Variants in INPP5A observed in about 807,000 individuals in gnomAD.
INPP5A encodes inositol polyphosphate-5-phosphatase A, also known as 43 kDa inositol polyphosphate 5-phophatase.
INPP5A carries 14 observed loss-of-function variants against 65.2 expected under a neutral mutation model. The ratio of observed to expected loss-of-function variants is 0.21; its 90% confidence interval spans 0.14 to 0.34. The LOEUF (loss-of-function observed/expected upper bound fraction) is 0.34, where lower values mean the gene tolerates loss of function less well. INPP5A is among the 10% of genes least tolerant of loss of function. The pLI is 1.00. For missense variants in INPP5A, 431 were observed against 545.6 expected, an observed-to-expected ratio of 0.79 and a Z score of 2.09; for synonymous variants, 207 against 208.3, an observed-to-expected ratio of 0.99 and a Z score of 0.05.
intron 3 of INPP5A, among the ~76,000 whole-genome samples, chr10:132,647,079 C>T (rs2072507068): frequency 6.6e-6 from 1 of 152,150 alleles, no homozygotes; most frequent in Admixed American, 6.5e-5. Context: ...GCCACAACTT[C>T]CCAAAATAAT....
intron 12 of INPP5A, among the ~76,000 whole-genome samples, chr10:132,777,436 C>G (rs1336446499): frequency 1.3e-5 from 2 of 152,240 alleles, no homozygotes; most frequent in African/African-American, 4.8e-5. Context: ...AAAGGAAGGA[C>G]TGATGTGAAG....
intron 13 of INPP5A, among the ~76,000 whole-genome samples, chr10:132,780,311 G>A (rs1454214407): frequency 6.6e-6 from 1 of 152,266 alleles, no homozygotes; most frequent in Non-Finnish European, 1.5e-5. Context: ...GAATTACTGT[G>A]CACAGATTGC....
intron 8 of INPP5A, among the ~76,000 whole-genome samples, chr10:132,719,431 G>C (rs1180075515): frequency 6.7e-6 from 1 of 148,446 alleles, no homozygotes. Context: ...GCTGTCTTCA[G>C]GGTTCTGTGG....
In INPP5A at chr10:132,753,061, G is replaced by A. The variant is rs529919966; in HGVS notation, c.903+3216G>A. Among the ~76,000 whole-genome samples the A allele has an allele frequency of 2.0e-5, 3 of 152,248 alleles. No homozygotes were observed. The highest frequency in any genetic ancestry group is 4.2e-4 in the South Asian group (2 of 4,818). On this transcript the variant is annotated intron_variant, in intron 11 of 15. Coordinates refer to ENST00000368594, the MANE Select transcript of INPP5A (RefSeq NM_005539.5). The surrounding 1 kb of genome is among the most constrained non-coding windows in gnomAD (Gnocchi z 5.3). The stretch of plus-strand genomic sequence containing the variant: ...GAGGCTGTTTCTCATGAGAAGAGCC[G>A]ATGCCTCGGCGTTCCTGTCCTGCTA...
chr10:132,579,682 G>A (rs1361582888), intron 1 of INPP5A, among the ~76,000 whole-genome samples: 2 of 152,162 alleles, frequency 1.3e-5, no homozygotes, highest in East Asian at 3.8e-4. Context: ...CTGTAGGTGG[G>A]GCCTCAGTGA....
chr10:132,717,344 C>T (rs539332098), intron 8 of INPP5A, among the ~76,000 whole-genome samples: 7 of 148,434 alleles, frequency 4.7e-5, no homozygotes, highest in Admixed American at 1.3e-4. Flanking sequence ...CCTTTGGGTG[C>T]GGCACTGGGG....
At chr10:132,668,090 C>G (rs962196888) in intron 4 of INPP5A, among the ~76,000 whole-genome samples, 1 of 152,186 alleles carries the variant, frequency 6.6e-6, no homozygotes, top group African/African-American at 2.4e-5. Flanking sequence ...CAACATTAAA[C>G]AAAGTTATTC....
At chr10:132,687,568 G>T (rs995729583) in intron 4 of INPP5A, among the ~76,000 whole-genome samples, 1 of 152,228 alleles carries the variant, frequency 6.6e-6, no homozygotes. Flanking sequence ...AGTGCACTGC[G>T]TCCCCCTCGG....
Position 132,665,664 on chromosome 10 carries a change from T to C in INPP5A, c.306+15159T>C, listed in dbSNP as rs558118347. 2.1e-5 allele frequency among the ~76,000 whole-genome samples: 3 copies of C among 143,108 alleles called. No individual in the cohort carries two copies. In the South Asian group the frequency reaches 7.1e-4, roughly 34 times the overall value. The allele number at this position is 143,108 out of a possible 152,430, so 93.9% of individuals were successfully genotyped here. On this transcript the variant is annotated intron_variant, in intron 4 of 15. Coordinates refer to ENST00000368594, the MANE Select transcript of INPP5A (RefSeq NM_005539.5). ...GAGTAATCCCAGCACTCTGGGAGGCTGAGGCAGGTGAATTGCTTGAGTTTA... is the reference window on the plus strand; with the variant it reads ...GAGTAATCCCAGCACTCTGGGAGGCCGAGGCAGGTGAATTGCTTGAGTTTA...
intron 9 of INPP5A, among the ~76,000 whole-genome samples, chr10:132,734,244 C>T (rs1348881427): frequency 6.6e-6 from 1 of 152,112 alleles, no homozygotes; most frequent in Non-Finnish European, 1.5e-5. Flanking sequence ...GGACCACACC[C>T]GGCAGTGGCC....
intron 4 of INPP5A, among the ~76,000 whole-genome samples, chr10:132,689,674 G>A (rs956691750): frequency 2.0e-4 from 31 of 152,234 alleles, no homozygotes; most frequent in African/African-American, 7.0e-4. Flanking sequence ...GCTGCATGTA[G>A]ACACAGGTTC....
At position 132,727,099 on chromosome 10, in the gene INPP5A, C is replaced by T. The variant is rs55746003; in HGVS notation, c.732+194C>T. 6 of 435,828 alleles carry T rather than the reference C, an allele frequency of 1.4e-5. No homozygotes were observed. Among genetic ancestry groups the T allele is most frequent in the Admixed American group, 4.0e-5 (1 of 24,956 alleles). 27.0% of individuals were successfully genotyped at this position (435,828 alleles called of 1,614,324 possible). A position where few individuals can be genotyped will look rare whatever the true frequency, so the allele number is the denominator to read the frequency against. On this transcript the variant is annotated intron_variant, in intron 9 of 15. Coordinates refer to ENST00000368594, the MANE Select transcript of INPP5A (RefSeq NM_005539.5). This position sits in a 1 kb window ranked among gnomAD's most constrained non-coding sequence, Gnocchi z 6.5. ...GGGATCCGTGTTGGAATCCGGGGTG[C>T]GCGGGCCCTCAAGGTTGCCCCGGAT... is the stretch of plus-strand genomic sequence containing the variant.
chr10:132,774,931 TAGGGAGAGACGGGCAGGGAGGAGGGGC>T (rs1847024223), intron 12 of INPP5A, among the ~76,000 whole-genome samples: 5 of 698 alleles, frequency 7.2e-3, no homozygotes, highest in Non-Finnish European at 9.0e-3. Context: ...GAGAGAGGGG[TAGGGAGAGACGGGCAGGGAGGAGGGGC>T]AGGGAGGAGA....
chr10:132,668,284 G>T (rs1444522148), intron 4 of INPP5A, among the ~76,000 whole-genome samples: 4 of 152,168 alleles, frequency 2.6e-5, no homozygotes, highest in Admixed American at 6.5e-5. Flanking sequence ...TCCTGCCATG[G>T]GCTGATGGCC....
At position 132,745,262 on chromosome 10, in the gene INPP5A, C is replaced by T. The variant is rs186014880; in HGVS notation, c.733-4255C>T. The stretch of plus-strand genomic sequence containing the variant: ...CACGATGCTCCTGGGGACACCTCCC[C>T]TTTGGGAAGGTGAGGGCTGGGGCTG... On this transcript the variant is annotated intron_variant, in intron 9 of 15. Coordinates refer to ENST00000368594, the MANE Select transcript of INPP5A (RefSeq NM_005539.5). 3.9e-5 allele frequency among the ~76,000 whole-genome samples: 6 copies of T among 152,298 alleles called. No homozygotes were observed. The South Asian group carries it at 8.3e-4, about 21-fold the overall frequency.
chr10:132,760,578 G>A (rs1051457562), intron 11 of INPP5A, among the ~76,000 whole-genome samples: 17 of 152,236 alleles, frequency 1.1e-4, no homozygotes, highest in African/African-American at 3.4e-4. Context: ...ACGTGGCATC[G>A]GAGGGCCCCA....
In INPP5A at chr10:132,627,060, A is replaced by G. The variant is rs1263310319; in HGVS notation, c.118-18808A>G. On this transcript the variant is annotated intron_variant, in intron 2 of 15. Coordinates refer to ENST00000368594, the MANE Select transcript of INPP5A (RefSeq NM_005539.5). The surrounding 1 kb of genome is among the most constrained non-coding windows in gnomAD (Gnocchi z 6.6). The stretch of plus-strand genomic sequence containing the variant: ...TGAGGTTATGCGGTGGGCCCCCCGG[A>G]TGGGATGGGTGCCCTTACAAGAAGG... 2.0e-5 allele frequency among the ~76,000 whole-genome samples: 3 copies of G among 151,736 alleles called. No individual in the cohort carries two copies. The highest frequency in any genetic ancestry group is 7.3e-5 in the African/African-American group (3 of 41,280).
In INPP5A at chr10:132,782,549, G is replaced by A. The variant is rs553881051; in HGVS notation, c.*520G>A. 2.6e-4 allele frequency: 40 copies of A among 153,704 alleles called. No homozygotes were observed. Among genetic ancestry groups the A allele is most frequent in the Non-Finnish European group, 4.8e-4 (33 of 69,140 alleles). 9.5% of individuals were successfully genotyped at this position (153,704 alleles called of 1,614,324 possible). A position where few individuals can be genotyped will look rare whatever the true frequency, so the allele number is the denominator to read the frequency against. On this transcript the variant is annotated 3_prime_UTR_variant, in exon 16 of 16. Coordinates refer to ENST00000368594, the MANE Select transcript of INPP5A (RefSeq NM_005539.5). The surrounding 1 kb of genome is among the most constrained non-coding windows in gnomAD (Gnocchi z 4.4). The stretch of plus-strand genomic sequence containing the variant: ...CCTTCCGCGGCACTGACTCTGCGCC[G>A]TGTCACATGGTTTTTGAATCACACT...
At chr10:132,635,349 A>G (rs1412516814) in intron 2 of INPP5A, among the ~76,000 whole-genome samples, 1 of 89,096 alleles carries the variant, frequency 1.1e-5, no homozygotes, top group Non-Finnish European at 2.4e-5. Context: ...TTGGCATTCC[A>G]TTTTTATTTC....
Sources: allele counts gnomAD v4.1 joint callset (sites outside exome capture counted in the v4.1 genomes callset), GRCh38; gene constraint gnomAD v4.1.1; non-coding constraint Gnocchi (gnomAD v3.1); transcripts MANE v1.5; gene names NCBI Gene and HGNC (gene_info 2026-07-23, HGNC 2026-07-21).